Variants in GRM4 observed in about 807,000 individuals in gnomAD.
GRM4 encodes glutamate metabotropic receptor 4.
A neutral mutation model predicts 81.7 loss-of-function variants in GRM4; 28 were observed. That is an observed-to-expected ratio of 0.34 (90% CI 0.25 to 0.47). The LOEUF (loss-of-function observed/expected upper bound fraction) is 0.47, where lower values mean the gene tolerates loss of function less well. GRM4 is among the 20% of genes least tolerant of loss of function. The pLI is 1.00. For synonymous variants in GRM4, 488 were observed against 528.8 expected, an observed-to-expected ratio of 0.92 and a Z score of 1.06; for missense variants, 948 against 1,290.0, an observed-to-expected ratio of 0.73 and a Z score of 4.06.
chr6:34,030,443 TC>T (rs1373378690), intron 9 of GRM4, among the ~76,000 whole-genome samples: 1 of 152,178 alleles, frequency 6.6e-6, no homozygotes, highest in East Asian at 1.9e-4. Context: ...TTGAGGCCCT[TC>T]TCTGGGCAGA....
Position 34,064,092 on chromosome 6 carries a change from G to A in GRM4, c.737-2064C>T, listed in dbSNP as rs78654198. The stretch of plus-strand genomic sequence containing the variant: ...GGTGAAGGAAGGATTAGGTGACCAC[G>A]GCTCAGTCAGCGGGAGTGTGAGTGA... On this transcript the variant is annotated intron_variant, in intron 3 of 10. Coordinates refer to ENST00000538487, the MANE Select transcript of GRM4 (RefSeq NM_000841.4). This position sits in a 1 kb window ranked among gnomAD's most constrained non-coding sequence, Gnocchi z 4.4. 0.021 allele frequency among the ~76,000 whole-genome samples: 3,228 copies of A among 152,228 alleles called. 71 individuals are homozygous for A. Among genetic ancestry groups the A allele is most frequent in the African/African-American group, 0.055 (2,278 of 41,514 alleles).
In GRM4 at chr6:34,133,692, C is replaced by G; in HGVS notation, c.-196G>C. ...GCCAAGCACAGTTGCCCGCACAGTC[C>G]AGGCCCACAGACAGCAGGCAGTGGC... On this transcript the variant is annotated 5_prime_UTR_variant, in exon 2 of 11. Transcript: ENST00000538487. This position sits in a 1 kb window ranked among gnomAD's most constrained non-coding sequence, Gnocchi z 6.5. 1 of 1,341,020 alleles carries G rather than the reference C, an allele frequency of 7.5e-7. No individual in the cohort carries two copies. Among genetic ancestry groups the G allele is most frequent in the Non-Finnish European group, 9.5e-7 (1 of 1,052,206 alleles). 83.1% of individuals were successfully genotyped at this position (1,341,020 alleles called of 1,614,324 possible). A position where few individuals can be genotyped will look rare whatever the true frequency, so the allele number is the denominator to read the frequency against.
intron 2 of GRM4, among the ~76,000 whole-genome samples, chr6:34,104,924 G>A (rs965921453): frequency 1.3e-5 from 2 of 152,130 alleles, no homozygotes; most frequent in Non-Finnish European, 2.9e-5. Flanking sequence ...GCAGGGGCGG[G>A]GCTGGGAAAA....
intron 1 of GRM4, among the ~76,000 whole-genome samples, chr6:34,154,904 T>TC (rs1358898507): frequency 6.6e-6 from 1 of 152,072 alleles, no homozygotes; most frequent in Non-Finnish European, 1.5e-5. Flanking sequence ...CCAGCCAGGC[T>TC]CCCCATCGCG....
At position 34,058,956 on chromosome 6, in the gene GRM4, G is replaced by A; in HGVS notation, c.1027+18C>T. 1 of 1,606,186 alleles carries A rather than the reference G, an allele frequency of 6.2e-7. No homozygotes were observed. The highest frequency in any genetic ancestry group is 8.5e-7 in the Non-Finnish European group (1 of 1,177,370). On this transcript the variant is annotated intron_variant, in intron 5 of 10. Transcript: ENST00000538487. ...CAGTCCAGGATGGTGCCGACCACCT[G>A]CACCCGCCCAGCCTTACCTCGTACG...
At chr6:34,125,029 G>A (rs4713745) in intron 2 of GRM4, among the ~76,000 whole-genome samples, 82,042 of 151,670 alleles carry the variant, frequency 0.54, 22,349 homozygotes, top group Admixed American at 0.64. Flanking sequence ...GCTGGAGTGC[G>A]GTGGCGCTAT....
At position 34,048,875 on chromosome 6, in the gene GRM4, C is replaced by T. The variant is rs374361871; in HGVS notation, c.1168+7669G>A. Among the ~76,000 whole-genome samples, 9 of 152,086 alleles carry T rather than the reference C, an allele frequency of 5.9e-5. No homozygotes were observed. The highest frequency in any genetic ancestry group is 1.2e-4 in the African/African-American group (5 of 41,378). On this transcript the variant is annotated intron_variant, in intron 6 of 10. Transcript: ENST00000538487. This position sits in a 1 kb window ranked among gnomAD's most constrained non-coding sequence, Gnocchi z 4.0. ...TAAGTTTCCTGAGGCCTCCCAGTCGCGCTTCCTGTACAGCCTGCAGAACTG... is the reference window on the plus strand; with the variant it reads ...TAAGTTTCCTGAGGCCTCCCAGTCGTGCTTCCTGTACAGCCTGCAGAACTG...
At chr6:34,117,475 C>A (rs1239505203) in intron 2 of GRM4, among the ~76,000 whole-genome samples, 2 of 152,208 alleles carry the variant, frequency 1.3e-5, no homozygotes, top group Non-Finnish European at 2.9e-5. Flanking sequence ...GTCATCCCTC[C>A]CTGCCAGCCT....
At chr6:34,027,654 C>G (rs901949055) in intron 10 of GRM4, among the ~76,000 whole-genome samples, 3 of 152,196 alleles carry the variant, frequency 2.0e-5, no homozygotes, top group Non-Finnish European at 4.4e-5. Flanking sequence ...CCCACCCCAC[C>G]GGGTTACCAA....
At chr6:34,139,712 G>A (rs780926193) in intron 1 of GRM4, among the ~76,000 whole-genome samples, 2 of 152,262 alleles carry the variant, frequency 1.3e-5, no homozygotes, top group Non-Finnish European at 2.9e-5. Flanking sequence ...GGCAAAGCCA[G>A]CGCCCTGCCC....
chr6:34,153,108 G>A (rs1187537651), intron 1 of GRM4, among the ~76,000 whole-genome samples: 2 of 152,098 alleles, frequency 1.3e-5, no homozygotes, highest in Non-Finnish European at 2.9e-5. Flanking sequence ...CTCACCTGCT[G>A]AGACATATGG....
intron 2 of GRM4, among the ~76,000 whole-genome samples, chr6:34,093,023 C>T (rs375046229): frequency 1.5e-4 from 23 of 152,300 alleles, no homozygotes; most frequent in African/African-American, 4.1e-4. Context: ...CCCACAGGGA[C>T]ACTCCTCTTT....
chr6:34,073,418 C>CCACA (rs540796389), intron 3 of GRM4, among the ~76,000 whole-genome samples: 7,159 of 146,442 alleles, frequency 0.049, 343 homozygotes, highest in African/African-American at 0.12. Context: ...CACATACACA[C>CCACA]CACACACACA....
At chr6:34,116,931 G>C (rs542984044) in intron 2 of GRM4, among the ~76,000 whole-genome samples, 1 of 152,188 alleles carries the variant, frequency 6.6e-6, no homozygotes, top group African/African-American at 2.4e-5. Context: ...CTTGCTGCAC[G>C]ATTCTGTTAC....
At chr6:34,040,788 C>T (rs749319113) in intron 6 of GRM4, 40 bp from the exon 7 acceptor site, 2 of 1,526,662 alleles carry the variant, frequency 1.3e-6, no homozygotes, top group Non-Finnish European at 1.8e-6. Context: ...TCGTGAGGCC[C>T]ACTGTCCTCA....
intron 6 of GRM4, 135 bp downstream of exon 6, chr6:34,056,409 T>G: frequency 2.7e-6 from 2 of 737,760 alleles, no homozygotes; most frequent in Non-Finnish European, 2.2e-6. Flanking sequence ...CCACCCCAGG[T>G]GCAGGCCCAA....
At position 34,133,541 on chromosome 6, in the gene GRM4, C is replaced by T; in HGVS notation, c.-45G>A. The stretch of plus-strand genomic sequence containing the variant: ...CCATGAACGGCAGGCCCACTCCTAG[C>T]CCTGGCAGGCCCCTGGCCCCACGGC... On this transcript the variant is annotated 5_prime_UTR_variant, in exon 2 of 11. Coordinates refer to ENST00000538487, the MANE Select transcript of GRM4 (RefSeq NM_000841.4). This position sits in a 1 kb window ranked among gnomAD's most constrained non-coding sequence, Gnocchi z 6.5. The T allele has an allele frequency of 6.6e-7, 1 of 1,507,368 alleles. No homozygotes were observed. The highest frequency in any genetic ancestry group is 8.8e-7 in the Non-Finnish European group (1 of 1,134,074). The allele number at this position is 1,507,368 out of a possible 1,614,324, so 93.4% of individuals were successfully genotyped here. A position where few individuals can be genotyped will look rare whatever the true frequency, so the allele number is the denominator to read the frequency against.
At chr6:34,131,348 T>C (rs1003710129) in intron 2 of GRM4, among the ~76,000 whole-genome samples, 5 of 152,242 alleles carry the variant, frequency 3.3e-5, no homozygotes, top group African/African-American at 1.2e-4. Context: ...CAAAACCATG[T>C]ACAAATTTTG....
In GRM4 at chr6:34,111,895, C is replaced by T. The variant is rs182268450; in HGVS notation, c.520-19796G>A. Among the ~76,000 whole-genome samples the T allele has an allele frequency of 6.6e-6, 1 of 152,156 alleles. No homozygotes were observed. The highest frequency in any genetic ancestry group is 6.5e-5 in the Admixed American group (1 of 15,280). ...AGTGTGGCCAGACCAGACGCACCCC[C>T]ACCTGTTCCATTTCCTGATTGTCCA... On this transcript the variant is annotated intron_variant, in intron 2 of 10. Transcript: ENST00000538487. This position sits in a 1 kb window ranked among gnomAD's most constrained non-coding sequence, Gnocchi z 5.1.
Sources: gnomAD v4.1 joint callset for allele counts (sites outside exome capture counted in the v4.1 genomes callset) on GRCh38, gnomAD v4.1.1 for gene constraint, Gnocchi (gnomAD v3.1) non-coding constraint, MANE v1.5 for transcripts, NCBI Gene and HGNC (gene_info 2026-07-23, HGNC 2026-07-21) for gene names.